The following TMPRSS11D variants were observed in gnomAD, a reference collection of about 807,000 sequenced individuals.
TMPRSS11D encodes transmembrane protease serine 11D.
TMPRSS11D carries 32 observed loss-of-function variants against 44.4 expected under a neutral mutation model. The ratio of observed to expected loss-of-function variants is 0.72; its 90% CI spans 0.54 to 0.97. The LOEUF (loss-of-function observed/expected upper bound fraction) is 0.97, where lower values mean the gene tolerates loss of function less well. Among genes scored for constraint, TMPRSS11D ranks in the 50% least tolerant of loss-of-function variants. The pLI is 0.00. For missense variants in TMPRSS11D, 446 were observed against 502.6 expected, an observed-to-expected ratio of 0.89 and a Z score of 1.08; for synonymous variants, 179 against 177.9, an observed-to-expected ratio of 1.01 and a Z score of -0.05.
At chr4:67,830,933 A>G (rs1357261069) in intron 7 of TMPRSS11D, among the ~76,000 whole-genome samples, 1 of 152,156 alleles carries the variant, frequency 6.6e-6, no homozygotes, top group Non-Finnish European at 1.5e-5. Flanking sequence ...AGACAAATGT[A>G]TTATGTCAAC....
At chr4:67,836,836 G>A (rs141112263) in intron 5 of TMPRSS11D, among the ~76,000 whole-genome samples, 6 of 152,224 alleles carry the variant, frequency 3.9e-5, no homozygotes, top group Non-Finnish European at 7.4e-5. Context: ...AAAGCATCGC[G>A]TTCAGTACAG....
chr4:67,862,823 C>T (rs1371941353), intron 1 of TMPRSS11D, among the ~76,000 whole-genome samples: 9 of 151,962 alleles, frequency 5.9e-5, no homozygotes, highest in East Asian at 1.9e-4. Context: ...AACCAAACAC[C>T]GCATGTTCTC....
intron 1 of TMPRSS11D, among the ~76,000 whole-genome samples, chr4:67,865,576 G>A (rs1037234394): frequency 3.3e-5 from 5 of 151,292 alleles, no homozygotes; most frequent in Non-Finnish European, 5.9e-5. Context: ...TTGATAGACC[G>A]CTACCTAGAC....
intron 1 of TMPRSS11D, among the ~76,000 whole-genome samples, chr4:67,870,078 C>T (rs541624808): frequency 2.0e-4 from 30 of 152,258 alleles, no homozygotes; most frequent in Admixed American, 6.5e-4. Context: ...CAGTTTCATA[C>T]GCTTTTCTTG....
chr4:67,833,804 A>C (rs1361596243), intron 6 of TMPRSS11D, among the ~76,000 whole-genome samples: 4 of 152,156 alleles, frequency 2.6e-5, no homozygotes, highest in Admixed American at 1.3e-4. Context: ...AGAAGTGCTG[A>C]TTCTTGGAAC....
At chr4:67,877,218 G>C (rs1379539151) in intron 1 of TMPRSS11D, among the ~76,000 whole-genome samples, 1 of 152,058 alleles carries the variant, frequency 6.6e-6, no homozygotes. Flanking sequence ...GTCTGGTGTT[G>C]CTCCATGCTC....
At chr4:67,883,871 A>G in intron 1 of TMPRSS11D, 55 bp downstream of exon 1, 1 of 1,458,058 alleles carries the variant, frequency 6.9e-7, no homozygotes, top group Non-Finnish European at 9.4e-7. Flanking sequence ...TATTTTTCCC[A>G]TACTGTAAGA....
At chr4:67,864,092 T>C (rs1718858941) in intron 1 of TMPRSS11D, among the ~76,000 whole-genome samples, 1 of 152,028 alleles carries the variant, frequency 6.6e-6, no homozygotes, top group African/African-American at 2.4e-5. Flanking sequence ...TTTAATTAAT[T>C]AGTTTAATTT....
intron 1 of TMPRSS11D, among the ~76,000 whole-genome samples, chr4:67,867,120 G>T (rs1488068611): frequency 6.6e-6 from 1 of 151,930 alleles, no homozygotes; most frequent in Non-Finnish European, 1.5e-5. Context: ...CATCATACTG[G>T]CATAAAAATA....
At chr4:67,836,275 C>T (rs968944709) in intron 5 of TMPRSS11D, among the ~76,000 whole-genome samples, 2 of 152,104 alleles carry the variant, frequency 1.3e-5, no homozygotes, top group Non-Finnish European at 2.9e-5. Flanking sequence ...AGTTTATGCA[C>T]CTCTACCTTA....
chr4:67,850,904 A>G (rs891361574), intron 3 of TMPRSS11D, among the ~76,000 whole-genome samples: 5 of 152,200 alleles, frequency 3.3e-5, no homozygotes, highest in African/African-American at 9.6e-5. Context: ...ATGACTGCAC[A>G]CACACTCATT....
chr4:67,824,600 C>T (rs939222286), intron 9 of TMPRSS11D, among the ~76,000 whole-genome samples: 3 of 152,026 alleles, frequency 2.0e-5, no homozygotes, highest in Admixed American at 1.3e-4. Flanking sequence ...AACAAATCTC[C>T]ACCTACACAC....
At position 67,880,107 on chromosome 4, in the gene TMPRSS11D, A is replaced by C. The variant is rs140238906; in HGVS notation, c.8+3819T>G. 2.0e-5 allele frequency among the ~76,000 whole-genome samples: 3 copies of C among 152,348 alleles called. 1 individual carries two copies. The highest frequency in any genetic ancestry group is 7.2e-5 in the African/African-American group (3 of 41,588). On this transcript the variant is annotated intron_variant, in intron 1 of 9. Transcript: ENST00000283916. Reference sequence around the variant, plus strand: ...GGTGAAACCATGAAGAAAATGAAAGAAATTAAGATACCATGCCACGTAACA... The same window carrying C: ...GGTGAAACCATGAAGAAAATGAAAGCAATTAAGATACCATGCCACGTAACA...
intron 1 of TMPRSS11D, among the ~76,000 whole-genome samples, chr4:67,862,295 C>T (rs181723188): frequency 1.3e-5 from 2 of 152,208 alleles, no homozygotes; most frequent in Admixed American, 6.5e-5. Context: ...AAAGGTGAGA[C>T]TCAGAGAGTG....
intron 4 of TMPRSS11D, among the ~76,000 whole-genome samples, chr4:67,839,305 A>T (rs1452939565): frequency 3.3e-5 from 5 of 152,190 alleles, no homozygotes; most frequent in Admixed American, 3.3e-4. Flanking sequence ...ACAGGCACTG[A>T]ACAAATAATT....
intron 5 of TMPRSS11D, among the ~76,000 whole-genome samples, chr4:67,837,453 CAGTT>C (rs1434003855): frequency 6.6e-6 from 1 of 152,264 alleles, no homozygotes; most frequent in South Asian, 2.1e-4. Context: ...CAATATTTAA[CAGTT>C]AGTACATCTG....
intron 1 of TMPRSS11D, among the ~76,000 whole-genome samples, chr4:67,867,326 T>A (rs1256890260): frequency 6.6e-6 from 1 of 152,070 alleles, no homozygotes; most frequent in Non-Finnish European, 1.5e-5. Flanking sequence ...TATGTAAAAA[T>A]TAAGTCAAGA....
intron 3 of TMPRSS11D, among the ~76,000 whole-genome samples, chr4:67,849,962 G>A (rs1270657978): frequency 6.6e-6 from 1 of 152,104 alleles, no homozygotes; most frequent in Non-Finnish European, 1.5e-5. Context: ...CATTGTATTA[G>A]AGTACTATTC....
chr4:67,863,856 G>T (rs1018862286), intron 1 of TMPRSS11D, among the ~76,000 whole-genome samples: 1 of 152,052 alleles, frequency 6.6e-6, no homozygotes, highest in Non-Finnish European at 1.5e-5. Context: ...GGCAACTGAA[G>T]TATAACAGCA....
Sources: allele counts gnomAD v4.1 joint callset (sites outside exome capture counted in the v4.1 genomes callset), GRCh38; gene constraint gnomAD v4.1.1; transcripts MANE v1.5; gene names NCBI Gene and HGNC (gene_info 2026-07-23, HGNC 2026-07-21).